The following DOCK9 variants were observed in gnomAD, a reference collection of about 807,000 sequenced individuals.
DOCK9 encodes the protein dedicator of cytokinesis protein 9.
In DOCK9, 89 loss-of-function variants were observed where a neutral mutation model predicts 263.3. The ratio of observed to expected loss-of-function variants is 0.34; its 90% CI spans 0.28 to 0.40. The LOEUF (loss-of-function observed/expected upper bound fraction) is 0.40. Ranked by LOEUF, DOCK9 falls within the 10% of genes least tolerant of loss-of-function variation. The pLI is 1.00. For synonymous variants in DOCK9, 976 were observed against 973.1 expected (o/e 1.00, Z -0.06); for missense variants, 2,140 against 2,603.4 (o/e 0.82, Z 3.87).
At chr13:98,928,020 C>A (rs5806081) in intron 3 of DOCK9, among the ~76,000 whole-genome samples, 15,036 of 47,212 alleles carry the variant, frequency 0.32, 824 homozygotes, top group South Asian at 0.45. Flanking sequence ...AAAAAAAAAA[C>A]AAAAAAAAAC....
At chr13:98,799,105 T>A (rs2089800934) in intron 50 of DOCK9, among the ~76,000 whole-genome samples, 1 of 152,246 alleles carries the variant, frequency 6.6e-6, no homozygotes, top group East Asian at 1.9e-4. Context: ...TTGGCACATA[T>A]GTCTTTGAGA....
intron 1 of DOCK9, among the ~76,000 whole-genome samples, chr13:99,028,493 G>T (rs1458896585): frequency 1.3e-5 from 2 of 152,134 alleles, no homozygotes; most frequent in African/African-American, 2.4e-5. Context: ...AACAGGAGAA[G>T]AAAGATACAA....
rs555261519 is a variant in DOCK9 at position 98,973,185 on chromosome 13, A to G, written c.126+4599T>C. Among the ~76,000 whole-genome samples, 45 of 152,362 alleles carry G rather than the reference A, an allele frequency of 3.0e-4. No individual in the cohort carries two copies. The South Asian group carries it at 9.1e-3, about 31-fold the overall frequency. ...CTAAAGTTGTCTCTAAGGGTGCAGGAAAACCTATAGGGCAGAAAGGCTATT... is the reference window on the plus strand; with the variant it reads ...CTAAAGTTGTCTCTAAGGGTGCAGGGAAACCTATAGGGCAGAAAGGCTATT... On this transcript the variant is annotated intron_variant, in intron 1 of 52. Transcript: ENST00000682017.
intron 34 of DOCK9, among the ~76,000 whole-genome samples, chr13:98,855,487 G>A (rs187964588): frequency 2.0e-5 from 3 of 152,140 alleles, no homozygotes; most frequent in African/African-American, 4.8e-5. Flanking sequence ...CAGAGGAGTC[G>A]TTTGAACCCA....
In DOCK9 at chr13:98,897,535, A is replaced by T. The variant is rs1339170702; in HGVS notation, c.1662T>A (p.Asn554Lys). The part of the protein sequence containing the change: ...RFSAIYRQDS[N>K]KLSNDDMLKL... ...TGAGCATGTCATCATTGGATAGCTT[A>T]TTGCTGTCTTGCCTGTAGATGGCAG... The change falls in exon 15 of 53, where the codon AAT (asparagine) becomes AAA (lysine). Residue 554 changes from asparagine to lysine, a missense_variant. Around this residue, in one of 2 missense-constraint regions of DOCK9, gnomAD observed 1,521 missense variants for 1,741.7 expected, o/e 0.87. Coordinates refer to ENST00000682017, the MANE Select transcript of DOCK9 (RefSeq NM_001366683.2). 2 of 1,613,864 alleles carry T rather than the reference A, an allele frequency of 1.2e-6. No homozygotes were observed. Among genetic ancestry groups the T allele is most frequent in the African/African-American group, 2.7e-5 (2 of 74,938 alleles).
In DOCK9 at chr13:98,917,935, C is replaced by T. The variant is rs1462479062; in HGVS notation, c.718-2432G>A. Among the ~76,000 whole-genome samples, 6 of 152,210 alleles carry T rather than the reference C, an allele frequency of 3.9e-5. No homozygotes were observed. In the East Asian group the frequency reaches 1.2e-3, roughly 29 times the overall value. On this transcript the variant is annotated intron_variant, in intron 7 of 52. Coordinates refer to ENST00000682017, the MANE Select transcript of DOCK9 (RefSeq NM_001366683.2). ...ATGGGGCACTGGGCTCCAGGTCACC[C>T]CGGCATTCCCTATTGCTTTGCAACC...
intron 45 of DOCK9, among the ~76,000 whole-genome samples, chr13:98,819,935 T>G (rs1243544155): frequency 2.0e-5 from 3 of 152,262 alleles, no homozygotes; most frequent in Non-Finnish European, 2.9e-5. Context: ...GTTCATATAA[T>G]GTTTATTACA....
At chr13:98,905,675 A>AG (rs1353394958) in intron 9 of DOCK9, among the ~76,000 whole-genome samples, 1 of 152,206 alleles carries the variant, frequency 6.6e-6, no homozygotes, top group African/African-American at 2.4e-5. Flanking sequence ...CATATCATCA[A>AG]GAAAAAAACA....
chr13:98,901,926 T>C lies in DOCK9; in HGVS notation c.1381-26A>G, dbSNP rs758608670. ...CTAGGAGGCAAACAATTTTCTTCAG[T>C]AAGCAGAATTCACAGCTACGTTAAA... On this transcript the variant is annotated intron_variant, in intron 12 of 52. Coordinates refer to ENST00000682017, the MANE Select transcript of DOCK9 (RefSeq NM_001366683.2). 3.7e-6 allele frequency: 6 copies of C among 1,607,222 alleles called. No individual in the cohort carries two copies. In the South Asian group the frequency reaches 6.7e-5, roughly 18 times the overall value.
At chr13:99,065,902 T>C (rs944598030) in intron 1 of DOCK9, among the ~76,000 whole-genome samples, 1 of 152,234 alleles carries the variant, frequency 6.6e-6, no homozygotes, top group African/African-American at 2.4e-5. Flanking sequence ...TCAACAAATG[T>C]GTTCACTTAA....
chr13:98,889,504 T>C (rs965431709), intron 15 of DOCK9, among the ~76,000 whole-genome samples: 5 of 152,224 alleles, frequency 3.3e-5, no homozygotes, highest in South Asian at 2.1e-4. Flanking sequence ...GAAATTGTTG[T>C]ATTAATATTT....
chr13:98,816,963 A>G (rs2091908713), intron 45 of DOCK9, among the ~76,000 whole-genome samples: 1 of 152,174 alleles, frequency 6.6e-6, no homozygotes, highest in Non-Finnish European at 1.5e-5. Flanking sequence ...ACATAAATTA[A>G]TAATCAACTG....
chr13:99,008,808 C>T (rs1883953067), intron 1 of DOCK9, among the ~76,000 whole-genome samples: 1 of 152,156 alleles, frequency 6.6e-6, no homozygotes, highest in Non-Finnish European at 1.5e-5. Flanking sequence ...CTCTTTAAGG[C>T]CACAGTACTA....
chr13:98,949,621 T>G (rs1159261481), intron 2 of DOCK9: 1 of 165,396 alleles, frequency 6.0e-6, no homozygotes, highest in Admixed American at 6.4e-5. Context: ...TTTTGAAGAT[T>G]AAGCAGGAAA....
In DOCK9 at chr13:98,829,830, T is replaced by C. The variant is rs1466446071; in HGVS notation, c.4636-74A>G. 14 of 1,341,432 alleles carry C rather than the reference T, an allele frequency of 1.0e-5. No homozygotes were observed. In the Admixed American group the frequency reaches 2.6e-4, roughly 25 times the overall value. 83.1% of individuals were successfully genotyped at this position (1,341,432 alleles called of 1,614,324 possible). A position where few individuals can be genotyped will look rare whatever the true frequency, so the allele number is the denominator to read the frequency against. Reference sequence around the variant, plus strand: ...CCCAGGCTGGGCTTCTGCGTTCAGTTAGGATGTGCCTAAGGACCCAGCAAA... The same window carrying C: ...CCCAGGCTGGGCTTCTGCGTTCAGTCAGGATGTGCCTAAGGACCCAGCAAA... On this transcript the variant is annotated intron_variant, in intron 41 of 52. Coordinates refer to ENST00000682017, the MANE Select transcript of DOCK9 (RefSeq NM_001366683.2). The surrounding 1 kb of genome is among the most constrained non-coding windows in gnomAD (Gnocchi z 4.1).
At chr13:98,957,077 C>T (rs1395621526) in intron 1 of DOCK9, among the ~76,000 whole-genome samples, 4 of 152,204 alleles carry the variant, frequency 2.6e-5, no homozygotes, top group African/African-American at 4.8e-5. Flanking sequence ...ACTGCCTCAT[C>T]TGGCCCACAA....
At chr13:98,888,575 C>T (rs751526143) in intron 16 of DOCK9, 28 bp from the exon 17 acceptor site, 5 of 1,612,852 alleles carry the variant, frequency 3.1e-6, no homozygotes, top group Non-Finnish European at 4.2e-6. Flanking sequence ...ATAACTCAAA[C>T]TGAAGTAAAA....
At chr13:98,801,954 T>C (rs2090161824) in intron 49 of DOCK9, among the ~76,000 whole-genome samples, 2 of 152,244 alleles carry the variant, frequency 1.3e-5, no homozygotes, top group Admixed American at 1.3e-4. Context: ...GGTGAAGGGT[T>C]CCCGACTTGG....
chr13:98,837,436 C>A, intron 39 of DOCK9, 58 bp downstream of exon 39: 1 of 1,239,220 alleles, frequency 8.1e-7, no homozygotes, highest in South Asian at 1.3e-5. Context: ...CTGAGCTTAC[C>A]AAGCAGAATG....
Sources: allele counts gnomAD v4.1 joint callset (sites outside exome capture counted in the v4.1 genomes callset), GRCh38; gene constraint gnomAD v4.1.1; regional missense constraint gnomAD v4.1.1; non-coding constraint Gnocchi (gnomAD v3.1); transcripts MANE v1.5; gene names NCBI Gene and HGNC (gene_info 2026-07-23, HGNC 2026-07-21).